TANC1: variants seen among roughly 807,000 people sequenced by gnomAD.
TANC1 encodes protein TANC1.
A neutral mutation model predicts 149.7 loss-of-function variants in TANC1; 77 were observed. The ratio of observed to expected loss-of-function variants is 0.51; its 90% confidence interval spans 0.43 to 0.62. TANC1 has a LOEUF of 0.62. TANC1 is among the 20% of genes least tolerant of loss of function. TANC1 has a pLI of 0.00. For missense variants in TANC1, 1,985 were observed against 2,321.8 expected (o/e 0.85, Z 2.98); for synonymous variants, 854 against 925.0 (o/e 0.92, Z 1.39).
In TANC1 at chr2:158,984,640, A is replaced by G. The variant is rs562896094; in HGVS notation, c.-126+15858A>G. On this transcript the variant is annotated intron_variant, in intron 1 of 26. Transcript: ENST00000263635. ...CTGAGGAGACAAGTGCACACACAGT[A>G]CCACTGCAAGGTGTTAGGGAGTGCA... 2.6e-5 allele frequency among the ~76,000 whole-genome samples: 4 copies of G among 152,174 alleles called. No homozygotes were observed. In the East Asian group the frequency reaches 7.7e-4, roughly 29 times the overall value.
chr2:158,981,491 T>TTATTTA lies in TANC1; in HGVS notation c.-126+12712_-126+12713insTTATAT, dbSNP rs1553509688. Among the ~76,000 whole-genome samples, 10 of 34,352 alleles carry TTATTTA rather than the reference T, an allele frequency of 2.9e-4. 2 individuals carry two copies. In the East Asian group the frequency reaches 0.011, roughly 37 times the overall value. 22.5% of individuals were successfully genotyped at this position (34,352 alleles called of 152,430 possible). A position where few individuals can be genotyped will look rare whatever the true frequency, so the allele number is the denominator to read the frequency against. On this transcript the variant is annotated intron_variant, in intron 1 of 26. Coordinates refer to ENST00000263635, the MANE Select transcript of TANC1 (RefSeq NM_033394.3). The stretch of plus-strand genomic sequence containing the variant: ...AAGTTTAGCAATTAATATATAGCTT[T>TTATTTA]TATATATATATATATATATATATAT...
chr2:159,156,380 G>A (rs1311732877), intron 7 of TANC1, among the ~76,000 whole-genome samples: 1 of 152,128 alleles, frequency 6.6e-6, no homozygotes, highest in African/African-American at 2.4e-5. Context: ...AATGATTTGA[G>A]TCAGCAAAGA....
chr2:158,969,774 C>T (rs1207726005), intron 1 of TANC1, among the ~76,000 whole-genome samples: 1 of 152,244 alleles, frequency 6.6e-6, no homozygotes, highest in Non-Finnish European at 1.5e-5. Context: ...CAGGTAGAAA[C>T]GCGGCGCTGC....
At chr2:159,137,620 G>GTGCGT (rs1486074610) in intron 5 of TANC1, among the ~76,000 whole-genome samples, 1 of 152,202 alleles carries the variant, frequency 6.6e-6, no homozygotes, top group African/African-American at 2.4e-5. Flanking sequence ...TCTCTTGATT[G>GTGCGT]TGCGTTCACG....
At chr2:159,007,771 A>G (rs192179429) in intron 2 of TANC1, among the ~76,000 whole-genome samples, 172 of 152,314 alleles carry the variant, frequency 1.1e-3, no homozygotes, top group Non-Finnish European at 1.9e-3. Context: ...TGGAGAGGAG[A>G]TGAAATCCCT....
intron 19 of TANC1, among the ~76,000 whole-genome samples, chr2:159,204,971 T>C (rs1157581240): frequency 6.6e-6 from 1 of 152,224 alleles, no homozygotes; most frequent in Non-Finnish European, 1.5e-5. Context: ...TGTTCACTAA[T>C]TCTGGATGGA....
chr2:158,999,938 G>A (rs1178618867), intron 1 of TANC1, among the ~76,000 whole-genome samples: 1 of 152,144 alleles, frequency 6.6e-6, no homozygotes, highest in Non-Finnish European at 1.5e-5. Context: ...GGGGTTCAAG[G>A]AGGAGGTAAT....
intron 3 of TANC1, among the ~76,000 whole-genome samples, chr2:159,076,923 A>G (rs2043746825): frequency 6.6e-6 from 1 of 151,938 alleles, no homozygotes; most frequent in South Asian, 2.1e-4. Flanking sequence ...CTATATCTCT[A>G]TCCCTGAGAT....
intron 4 of TANC1, among the ~76,000 whole-genome samples, chr2:159,129,489 T>C (rs560697929): frequency 1.3e-5 from 2 of 152,132 alleles, no homozygotes; most frequent in South Asian, 2.1e-4. Context: ...TAAGGGAGGG[T>C]TCTGGCCACA....
chr2:159,218,755 C>T (rs1255599594), intron 20 of TANC1, among the ~76,000 whole-genome samples: 1 of 152,208 alleles, frequency 6.6e-6, no homozygotes. Flanking sequence ...GCATGCCATC[C>T]GCCAATGCTG....
chr2:159,184,295 A>T (rs1201306398), intron 14 of TANC1, among the ~76,000 whole-genome samples: 1 of 152,154 alleles, frequency 6.6e-6, no homozygotes, highest in Non-Finnish European at 1.5e-5. Context: ...TTAGAAGGGG[A>T]TTGCTTGGTC....
intron 3 of TANC1, among the ~76,000 whole-genome samples, chr2:159,066,677 C>T (rs1233420664): frequency 1.3e-5 from 2 of 152,168 alleles, no homozygotes; most frequent in Non-Finnish European, 1.5e-5. Flanking sequence ...GCTGACTGGT[C>T]CTCATCTTTT....
Position 159,175,203 on chromosome 2 carries a change from C to T in TANC1, c.1735+19C>T. The stretch of plus-strand genomic sequence containing the variant: ...AGAAATGGTACTTCGCAGCAGCTAC[C>T]CACAGCCCCATCTCAGTAGTGGTAC... On this transcript the variant is annotated intron_variant, in intron 12 of 26. Transcript: ENST00000263635. The T allele has an allele frequency of 6.3e-7, 1 of 1,593,866 alleles. No individual in the cohort carries two copies. The highest frequency in any genetic ancestry group is 8.6e-7 in the Non-Finnish European group (1 of 1,161,816).
intron 2 of TANC1, among the ~76,000 whole-genome samples, chr2:159,023,504 G>A (rs1369898437): frequency 6.6e-6 from 1 of 151,778 alleles, no homozygotes; most frequent in Non-Finnish European, 1.5e-5. Context: ...CCACGCCTGG[G>A]TACTTTTTTG....
At chr2:159,044,272 C>T (rs994610024) in intron 2 of TANC1, among the ~76,000 whole-genome samples, 3 of 151,890 alleles carry the variant, frequency 2.0e-5, no homozygotes, top group Non-Finnish European at 4.4e-5. Flanking sequence ...CCAAACCAAA[C>T]AGAACAAAAC....
chr2:159,037,156 C>T (rs919155581), intron 2 of TANC1, among the ~76,000 whole-genome samples: 21 of 152,146 alleles, frequency 1.4e-4, no homozygotes, highest in Non-Finnish European at 2.4e-4. Flanking sequence ...GCATAAATGT[C>T]TTCTTTTGAG....
At chr2:159,003,944 G>A (rs994633179) in intron 2 of TANC1, 50 of 1,612,638 alleles carry the variant, frequency 3.1e-5, no homozygotes, top group Non-Finnish European at 4.1e-5. Context: ...AACAGCCACA[G>A]CTGATGACAA....
intron 4 of TANC1, among the ~76,000 whole-genome samples, chr2:159,127,967 A>C (rs780028942): frequency 8.5e-5 from 13 of 152,264 alleles, no homozygotes; most frequent in Non-Finnish European, 1.8e-4. Flanking sequence ...TGCACCAATG[A>C]ATAAAGGCTG....
intron 2 of TANC1, among the ~76,000 whole-genome samples, chr2:159,007,784 A>G (rs1471510892): frequency 6.6e-6 from 1 of 152,176 alleles, no homozygotes; most frequent in Non-Finnish European, 1.5e-5. Flanking sequence ...AAATCCCTGG[A>G]CTTAATATGG....
Sources: allele counts gnomAD v4.1 joint callset (sites outside exome capture counted in the v4.1 genomes callset), GRCh38; gene constraint gnomAD v4.1.1; transcripts MANE v1.5; gene names NCBI Gene and HGNC (gene_info 2026-07-23, HGNC 2026-07-21).